The following ATXN1 variants were observed in gnomAD, a reference collection of about 807,000 sequenced individuals.
ATXN1 encodes ataxin-1.
A neutral mutation model predicts 56.4 loss-of-function variants in ATXN1; 8 were observed. The observed-to-expected ratio is 0.14, with a 90% CI of 0.08 to 0.26. The LOEUF (loss-of-function observed/expected upper bound fraction) is 0.26. Among genes scored for constraint, ATXN1 ranks in the 10% least tolerant of loss-of-function variants. ATXN1 has a pLI of 1.00. For synonymous variants in ATXN1, 514 were observed against 494.6 expected (o/e 1.04, Z -0.52); for missense variants, 987 against 1,106.5 (o/e 0.89, Z 1.53).
intron 6 of ATXN1, among the ~76,000 whole-genome samples, chr6:16,481,547 C>A (rs569223254): frequency 1.3e-5 from 2 of 152,234 alleles, no homozygotes; most frequent in East Asian, 3.9e-4. Context: ...TGCCTGCACT[C>A]AGAGCAGTTA....
chr6:16,439,265 G>T (rs1334564358), intron 6 of ATXN1, among the ~76,000 whole-genome samples: 1 of 148,090 alleles, frequency 6.8e-6, no homozygotes, highest in Admixed American at 6.8e-5. Context: ...AAAATGTGAT[G>T]TCAATGGCAA....
In ATXN1 at chr6:16,528,193, C is replaced by T. The variant is rs372082310; in HGVS notation, c.-360-5505G>A. Among the ~76,000 whole-genome samples, 442 of 151,400 alleles carry T rather than the reference C, an allele frequency of 2.9e-3. 2 individuals carry two copies. Among genetic ancestry groups the T allele is most frequent in the African/African-American group, 0.01 (416 of 41,240 alleles). The stretch of plus-strand genomic sequence containing the variant: ...GTGCACGCCTGTAATCCCAGCTACT[C>T]GGGAGGCTGAGGCAGCAGAATCTCT... On this transcript the variant is annotated intron_variant, in intron 4 of 7. Coordinates refer to ENST00000436367, the MANE Select transcript of ATXN1 (RefSeq NM_001128164.2).
chr6:16,314,667 A>G (rs904648744), intron 7 of ATXN1, among the ~76,000 whole-genome samples: 2 of 151,764 alleles, frequency 1.3e-5, no homozygotes, highest in Non-Finnish European at 2.9e-5. Flanking sequence ...CCAGGCTGGA[A>G]TGTAGTGGCA....
In ATXN1 at chr6:16,303,079, C is replaced by CACA. The variant is rs981248258; in HGVS notation, c.*3247_*3249dup. On this transcript the variant is annotated 3_prime_UTR_variant, in exon 8 of 8. Transcript: ENST00000436367. The surrounding 1 kb of genome is among the most constrained non-coding windows in gnomAD (Gnocchi z 4.3). ...GGCCAACACGCTCAGAACGCACACA[C>CACA]ACAACAGGCCACACTTCCCGTCCAG... 15 of 152,814 alleles carry CACA rather than the reference C, an allele frequency of 9.8e-5. No individual in the cohort carries two copies. Among genetic ancestry groups the CACA allele is most frequent in the African/African-American group, 3.6e-4 (15 of 41,472 alleles). 9.5% of individuals were successfully genotyped at this position (152,814 alleles called of 1,614,324 possible).
chr6:16,393,894 T>C (rs1376265598), intron 6 of ATXN1, among the ~76,000 whole-genome samples: 1 of 145,938 alleles, frequency 6.9e-6, no homozygotes, highest in Non-Finnish European at 1.5e-5. Flanking sequence ...GATTCTAACA[T>C]GGAATCACCT....
At chr6:16,609,955 T>C (rs968826673) in intron 3 of ATXN1, among the ~76,000 whole-genome samples, 3 of 152,054 alleles carry the variant, frequency 2.0e-5, no homozygotes, top group African/African-American at 7.2e-5. Flanking sequence ...GGATTTTTTT[T>C]CAATGACTGA....
intron 3 of ATXN1, among the ~76,000 whole-genome samples, chr6:16,594,552 G>A (rs745382217): frequency 4.7e-5 from 7 of 150,330 alleles, no homozygotes; most frequent in East Asian, 1.9e-4. Context: ...GCACGATCTC[G>A]GCTCACTACA....
At chr6:16,436,106 C>T (rs1365131558) in intron 6 of ATXN1, among the ~76,000 whole-genome samples, 1 of 152,070 alleles carries the variant, frequency 6.6e-6, no homozygotes, top group Non-Finnish European at 1.5e-5. Context: ...CCACGTTGGC[C>T]AGCCTGGACT....
At chr6:16,616,307 A>G (rs1031921210) in intron 3 of ATXN1, among the ~76,000 whole-genome samples, 1 of 151,808 alleles carries the variant, frequency 6.6e-6, no homozygotes, top group Admixed American at 6.6e-5. Flanking sequence ...TGGGAGGCCA[A>G]GGTGGGTGGC....
At chr6:16,631,403 C>A (rs2113810634) in intron 3 of ATXN1, among the ~76,000 whole-genome samples, 1 of 152,350 alleles carries the variant, frequency 6.6e-6, no homozygotes, top group East Asian at 1.9e-4. Flanking sequence ...TCTGCTTTCA[C>A]TCACTGACAC....
At chr6:16,744,559 G>A (rs1760459069) in intron 2 of ATXN1, among the ~76,000 whole-genome samples, 1 of 152,122 alleles carries the variant, frequency 6.6e-6, no homozygotes, top group Non-Finnish European at 1.5e-5. Flanking sequence ...TTGAGAACTG[G>A]GCAGAGAGGA....
intron 6 of ATXN1, among the ~76,000 whole-genome samples, chr6:16,377,764 C>T (rs1762173812): frequency 6.6e-6 from 1 of 152,184 alleles, no homozygotes; most frequent in African/African-American, 2.4e-5. Flanking sequence ...ATGAGCAAAG[C>T]AGTTACCAAA....
intron 2 of ATXN1, among the ~76,000 whole-genome samples, chr6:16,736,558 A>G (rs774582182): frequency 3.3e-5 from 5 of 152,250 alleles, no homozygotes; most frequent in Non-Finnish European, 7.3e-5. Flanking sequence ...ACAATTAGCC[A>G]AAACTGAATA....
chr6:16,595,643 C>T (rs1200986631), intron 3 of ATXN1, among the ~76,000 whole-genome samples: 1 of 152,172 alleles, frequency 6.6e-6, no homozygotes, highest in Non-Finnish European at 1.5e-5. Flanking sequence ...TACTGGTTAA[C>T]TACAAAAAGC....
chr6:16,674,221 C>T lies in ATXN1; in HGVS notation c.-614-16320G>A, dbSNP rs547598060. The stretch of plus-strand genomic sequence containing the variant: ...CCAGCCACAGGCAAGGGAAACATGG[C>T]TTTTCCACAATGACCCGCAGCCCAA... On this transcript the variant is annotated intron_variant, in intron 2 of 7. Transcript: ENST00000436367. Among the ~76,000 whole-genome samples the T allele has an allele frequency of 1.4e-4, 21 of 152,090 alleles. 1 individual carries two copies. In the South Asian group the frequency reaches 4.3e-3, roughly 32 times the overall value.
chr6:16,417,441 A>ATTTTTTTTTTTTTTTTTTT (rs1188606545), intron 6 of ATXN1, among the ~76,000 whole-genome samples: 16 of 136,528 alleles, frequency 1.2e-4, no homozygotes, highest in East Asian at 4.3e-4. Flanking sequence ...CAAGTTTCTT[A>ATTTTTTTTTTTTTTTTTTT]TTTTTTTTTT....
At chr6:16,663,551 C>T (rs1043023786) in intron 2 of ATXN1, among the ~76,000 whole-genome samples, 2 of 152,122 alleles carry the variant, frequency 1.3e-5, no homozygotes, top group Non-Finnish European at 2.9e-5. Context: ...GGCACTGTGC[C>T]GGGAAGAAAC....
chr6:16,347,860 C>T (rs991694910), intron 6 of ATXN1, among the ~76,000 whole-genome samples: 2 of 152,036 alleles, frequency 1.3e-5, no homozygotes, highest in Non-Finnish European at 2.9e-5. Context: ...GATCCCTTTC[C>T]ACACTGTGGA....
At chr6:16,355,508 T>C (rs563156340) in intron 6 of ATXN1, among the ~76,000 whole-genome samples, 3 of 151,728 alleles carry the variant, frequency 2.0e-5, no homozygotes, top group African/African-American at 7.3e-5. Context: ...AAGAAAGGGA[T>C]GACATTTTTC....
Sources: allele counts gnomAD v4.1 joint callset (sites outside exome capture counted in the v4.1 genomes callset), GRCh38; gene constraint gnomAD v4.1.1; non-coding constraint Gnocchi (gnomAD v3.1); transcripts MANE v1.5; gene names NCBI Gene and HGNC (gene_info 2026-07-23, HGNC 2026-07-21).